SAMD12: variants seen among roughly 807,000 people sequenced by gnomAD.
SAMD12 encodes the protein sterile alpha motif domain-containing protein 12.
Under a neutral mutation model 15.0 loss-of-function variants are expected in SAMD12, and 9 were observed. That is an observed-to-expected ratio of 0.60 (90% CI 0.36 to 1.05). The LOEUF (loss-of-function observed/expected upper bound fraction) is 1.05, where lower values mean the gene tolerates loss of function less well. SAMD12 is among the 50% of genes least tolerant of loss of function. The probability of loss-of-function intolerance (pLI) is 0.01; values close to 1 mark genes in which losing one functional copy is unlikely to be tolerated. For synonymous variants in SAMD12, 86 were observed against 90.1 expected, an observed-to-expected ratio of 0.96 and a Z score of 0.25; for missense variants, 230 against 234.2, an observed-to-expected ratio of 0.98 and a Z score of 0.12.
rs80259816 is a variant in SAMD12 at position 118,464,291 on chromosome 8, C to A, written c.193-24330G>T. Among the ~76,000 whole-genome samples the A allele has an allele frequency of 1.7e-3, 256 of 152,292 alleles. 1 individual carries two copies. Among genetic ancestry groups the A allele is most frequent in the African/African-American group, 5.7e-3 (235 of 41,554 alleles). On this transcript the variant is annotated intron_variant, in intron 2 of 3. Transcript: ENST00000314727. ...GCAAAACAGTGTAACATGACTGAGTCATTCGCTTTCAAGAATCTTGTAAAT... is the reference window on the plus strand; with the variant it reads ...GCAAAACAGTGTAACATGACTGAGTAATTCGCTTTCAAGAATCTTGTAAAT...
chr8:118,425,218 G>A (rs553311516), intron 3 of SAMD12, among the ~76,000 whole-genome samples: 10 of 152,290 alleles, frequency 6.6e-5, no homozygotes, highest in South Asian at 2.1e-4. Flanking sequence ...GATTACAGGC[G>A]TGAGCCACCG....
At chr8:118,217,053 G>A (rs1448845651) in intron 4 of SAMD12, among the ~76,000 whole-genome samples, 1 of 152,096 alleles carries the variant, frequency 6.6e-6, no homozygotes, top group Admixed American at 6.5e-5. Context: ...CACCAGGCTG[G>A]AGTGCAGTGG....
At chr8:118,447,135 C>G (rs1339886887) in intron 2 of SAMD12, among the ~76,000 whole-genome samples, 1 of 152,020 alleles carries the variant, frequency 6.6e-6, no homozygotes, top group African/African-American at 2.4e-5. Context: ...TTAGGGAAAC[C>G]TGATAATTCT....
chr8:118,203,171 C>T (rs568433681), intron 4 of SAMD12, among the ~76,000 whole-genome samples: 1 of 152,278 alleles, frequency 6.6e-6, no homozygotes, highest in East Asian at 1.9e-4. Context: ...GGAGAGAAAT[C>T]AAGTAACTGT....
At chr8:118,546,746 T>C (rs551735455) in intron 2 of SAMD12, among the ~76,000 whole-genome samples, 1 of 152,232 alleles carries the variant, frequency 6.6e-6, no homozygotes, top group East Asian at 1.9e-4. Context: ...TTCAAGGTGA[T>C]GATGTCAGCC....
chr8:118,524,108 C>G (rs564834106), intron 2 of SAMD12, among the ~76,000 whole-genome samples: 6 of 152,232 alleles, frequency 3.9e-5, no homozygotes, highest in African/African-American at 1.4e-4. Context: ...TCTACCCCAA[C>G]CCCATTTAGA....
intron 3 of SAMD12, among the ~76,000 whole-genome samples, chr8:118,402,661 C>A (rs1348585276): frequency 6.6e-6 from 1 of 152,096 alleles, no homozygotes; most frequent in Non-Finnish European, 1.5e-5. Flanking sequence ...CAATGGGCAG[C>A]CATAAATATT....
chr8:118,527,901 A>AT (rs1327717604), intron 2 of SAMD12, among the ~76,000 whole-genome samples: 1 of 152,200 alleles, frequency 6.6e-6, no homozygotes, highest in Non-Finnish European at 1.5e-5. Flanking sequence ...ACTGACTGGT[A>AT]TATCTTTCCA....
chr8:118,367,048 C>T (rs1818840022), intron 4 of SAMD12, among the ~76,000 whole-genome samples: 1 of 151,944 alleles, frequency 6.6e-6, no homozygotes, highest in Non-Finnish European at 1.5e-5. Flanking sequence ...AGTCCATTCA[C>T]AGTGTAGTCT....
intron 4 of SAMD12, among the ~76,000 whole-genome samples, chr8:118,198,037 T>C (rs567528807): frequency 7.4e-4 from 112 of 152,324 alleles, no homozygotes; most frequent in African/African-American, 2.7e-3. Flanking sequence ...GGGCTGCAGT[T>C]TGGGAAACCA....
At chr8:118,426,160 T>C (rs770012456) in intron 3 of SAMD12, among the ~76,000 whole-genome samples, 3 of 152,240 alleles carry the variant, frequency 2.0e-5, no homozygotes, top group Non-Finnish European at 4.4e-5. Flanking sequence ...AATTCACTAA[T>C]TATTGACTAG....
In SAMD12 at chr8:118,378,751, T is replaced by G. The variant is rs138641259; in HGVS notation, c.*666A>C. 4.7e-3 allele frequency: 4,626 copies of G among 984,564 alleles called. 13 individuals are homozygous for G. Among genetic ancestry groups the G allele is most frequent in the Non-Finnish European group, 5.2e-3 (4,312 of 829,136 alleles). The allele number at this position is 984,564 out of a possible 1,614,324, so 61.0% of individuals were successfully genotyped here. ...TAAAACAAATAAAGTTTATAGCCAA[T>G]GAAGGTTGATAGCATCCAAATCTCA... On this transcript the variant is annotated 3_prime_UTR_variant, in exon 4 of 4. Transcript: ENST00000314727.
intron 3 of SAMD12, among the ~76,000 whole-genome samples, chr8:118,424,602 T>C (rs1280749312): frequency 6.6e-6 from 1 of 152,116 alleles, no homozygotes; most frequent in Non-Finnish European, 1.5e-5. Context: ...AATTGAAAAA[T>C]ATCTCTAATA....
chr8:118,343,216 A>G (rs568147955), intron 4 of SAMD12, among the ~76,000 whole-genome samples: 1 of 152,186 alleles, frequency 6.6e-6, no homozygotes, highest in South Asian at 2.1e-4. Flanking sequence ...AGCCACTTCC[A>G]ACAGAGTGGA....
chr8:118,439,864 T>C lies in SAMD12; in HGVS notation c.290A>G (p.Tyr97Cys), dbSNP rs773940438. 10 of 1,613,608 alleles carry C rather than the reference T, an allele frequency of 6.2e-6. No individual in the cohort carries two copies. The highest frequency in any genetic ancestry group is 1.1e-5 in the South Asian group (1 of 91,076). ...GTCATGCTGTTTGAATGACTCACTG[T>C]AGATCTGATACTGATTCGGACAATG... is the stretch of plus-strand genomic sequence containing the variant. ...KKHCPNQYQI[Y>C]SESFKQHDIT... Residue 97 changes from tyrosine to cysteine, a missense_variant, in exon 3 of 4, where the codon TAC (tyrosine) becomes TGC (cysteine). Tyr to Cys is a radical substitution (Grantham distance 194). Coordinates refer to ENST00000314727, the MANE Select transcript of SAMD12 (RefSeq NM_207506.3).
intron 4 of SAMD12, among the ~76,000 whole-genome samples, chr8:118,372,421 T>C (rs1340241209): frequency 7.6e-6 from 1 of 131,212 alleles, no homozygotes; most frequent in African/African-American, 3.1e-5. Flanking sequence ...AAAGATGCAG[T>C]ATTTTTTTTT....
chr8:118,138,323 G>A, the SAMD12 span, among the ~76,000 whole-genome samples: 3 of 152,190 alleles, frequency 2.0e-5, 1 homozygote, highest in African/African-American at 7.2e-5. Flanking sequence ...ATGTTTATAT[G>A]TGCCCCAAAT....
intron 3 of SAMD12, among the ~76,000 whole-genome samples, chr8:118,389,363 A>G (rs1022896000): frequency 1.3e-5 from 2 of 152,196 alleles, no homozygotes; most frequent in African/African-American, 4.8e-5. Flanking sequence ...AATTGGGTGA[A>G]GAGAACTGCC....
At chr8:118,363,240 G>T (rs778268466) in intron 4 of SAMD12, among the ~76,000 whole-genome samples, 21 of 152,170 alleles carry the variant, frequency 1.4e-4, no homozygotes, top group Non-Finnish European at 2.5e-4. Flanking sequence ...GTGTCAGCTT[G>T]ACTGGGCCAT....
Sources: allele counts gnomAD v4.1 joint callset (sites outside exome capture counted in the v4.1 genomes callset), GRCh38; gene constraint gnomAD v4.1.1; transcripts MANE v1.5; gene names NCBI Gene and HGNC (gene_info 2026-07-23, HGNC 2026-07-21).